EPM2A: variants seen among roughly 807,000 people sequenced by gnomAD.
EPM2A encodes laforin.
In EPM2A, 21 loss-of-function variants were observed where a neutral mutation model predicts 26.5. The observed-to-expected ratio is 0.79, with a 90% CI of 0.56 to 1.14. The LOEUF (loss-of-function observed/expected upper bound fraction) is 1.14, where lower values mean the gene tolerates loss of function less well. EPM2A is among the 50% of genes most tolerant of loss of function. The pLI, the probability that EPM2A is intolerant of heterozygous loss-of-function variation, is 0.00. For synonymous variants in EPM2A, 217 were observed against 177.6 expected, an observed-to-expected ratio of 1.22 and a Z score of -1.76; for missense variants, 458 against 440.8, an observed-to-expected ratio of 1.04 and a Z score of -0.35.
intron 1 of EPM2A, among the ~76,000 whole-genome samples, chr6:145,713,185 C>T (rs146855295): frequency 1.4e-3 from 209 of 152,230 alleles, no homozygotes; most frequent in African/African-American, 4.6e-3. Context: ...AAGCACTGTA[C>T]GAAACTAATG....
At chr6:145,620,724 T>C (rs557128061), downstream of EPM2A, among the ~76,000 whole-genome samples, 2 of 152,348 alleles carry the variant, frequency 1.3e-5, no homozygotes, top group Non-Finnish European at 2.9e-5. Flanking sequence ...TTCTGCTAAT[T>C]TTCTCCTTTA....
chr6:145,502,970 T>C (rs1280802613), intron 2 of EPM2A, among the ~76,000 whole-genome samples: 2 of 152,234 alleles, frequency 1.3e-5, no homozygotes, highest in Admixed American at 1.3e-4. Flanking sequence ...AGATTCCAAA[T>C]GAAAGGACAA....
At chr6:145,462,520 C>T (rs1779339001) in intron 4 of EPM2A, among the ~76,000 whole-genome samples, 1 of 152,130 alleles carries the variant, frequency 6.6e-6, no homozygotes, top group Non-Finnish European at 1.5e-5. Flanking sequence ...AATATTTTGT[C>T]ACATACCTAC....
At chr6:145,496,234 T>G (rs1361828604) in intron 4 of EPM2A, among the ~76,000 whole-genome samples, 1 of 152,174 alleles carries the variant, frequency 6.6e-6, no homozygotes, top group Non-Finnish European at 1.5e-5. Flanking sequence ...GCCCTTACTA[T>G]TGTTTCTTTC....
intron 4 of EPM2A, among the ~76,000 whole-genome samples, chr6:145,397,529 C>G (rs1026901974): frequency 2.6e-5 from 4 of 152,204 alleles, no homozygotes; most frequent in Admixed American, 2.6e-4. Flanking sequence ...TACCCAATTA[C>G]AGGGGGAACT....
intron 2 of EPM2A, among the ~76,000 whole-genome samples, chr6:145,612,927 G>C (rs909139341): frequency 1.3e-5 from 2 of 151,928 alleles, no homozygotes; most frequent in Admixed American, 1.3e-4. Flanking sequence ...GGTAGCTGCT[G>C]AATGTTGGGC....
At chr6:145,712,245 T>G (rs1390834894) in intron 1 of EPM2A, among the ~76,000 whole-genome samples, 1 of 152,060 alleles carries the variant, frequency 6.6e-6, no homozygotes, top group East Asian at 1.9e-4. Context: ...AAATAAAAAT[T>G]CTTCTTGATA....
At chr6:145,488,518 T>TGAGAGAGAGAGAGAGAGAGAGA (rs1434961412) in intron 4 of EPM2A, among the ~76,000 whole-genome samples, 5 of 131,078 alleles carry the variant, frequency 3.8e-5, no homozygotes, top group African/African-American at 1.7e-4. Context: ...TGTGTGTGTG[T>TGAGAGAGAGAGAGAGAGAGAGA]GTGTGAGAGA....
chr6:145,645,761 T>G (rs926220764), intron 2 of EPM2A, among the ~76,000 whole-genome samples: 3 of 152,030 alleles, frequency 2.0e-5, no homozygotes, highest in South Asian at 2.1e-4. Context: ...CCACCACTAA[T>G]TTTTGTATAT....
chr6:145,702,467 C>A (rs1179841869), intron 1 of EPM2A, among the ~76,000 whole-genome samples: 20 of 148,798 alleles, frequency 1.3e-4, no homozygotes, highest in African/African-American at 4.8e-4. Flanking sequence ...TTCTTATTTG[C>A]AAAAAGAAGA....
chr6:145,680,024 G>A (rs1366309986), intron 2 of EPM2A: 1 of 152,034 alleles, frequency 6.6e-6, no homozygotes. Context: ...AAAGTCAATA[G>A]ATAATACCTA....
chr6:145,722,381 A>C (rs1775988294), intron 1 of EPM2A, among the ~76,000 whole-genome samples: 1 of 152,186 alleles, frequency 6.6e-6, no homozygotes, highest in Non-Finnish European at 1.5e-5. Context: ...CTCACCTCCC[A>C]GTTTTGTTGG....
intron 4 of EPM2A, among the ~76,000 whole-genome samples, chr6:145,465,319 A>C (rs1484003899): frequency 6.7e-6 from 1 of 150,108 alleles, no homozygotes; most frequent in Admixed American, 6.6e-5. Flanking sequence ...TTTCAGCTCC[A>C]TCAGCTCCTT....
rs964366945 is a variant in EPM2A, at chr6:145,728,514, C to T, written c.301+6684G>A. ...GCAAAGAGACTGGCAGCATTGTGCTCCTGCTCTAGAGATTTGTGGAAATCT... is the reference window on the plus strand; with the variant it reads ...GCAAAGAGACTGGCAGCATTGTGCTTCTGCTCTAGAGATTTGTGGAAATCT... On this transcript the variant is annotated intron_variant, in intron 1 of 3. Transcript: ENST00000367519. Among the ~76,000 whole-genome samples the T allele has an allele frequency of 5.9e-5, 9 of 152,286 alleles. 1 individual carries two copies. In the South Asian group the frequency reaches 1.9e-3, roughly 32 times the overall value.
At chr6:145,734,285 G>C (rs1211554315) in intron 1 of EPM2A, among the ~76,000 whole-genome samples, 1 of 152,034 alleles carries the variant, frequency 6.6e-6, no homozygotes, top group East Asian at 1.9e-4. Context: ...TGTAGTGACA[G>C]TGAAAGATGT....
rs142658692 is a variant in EPM2A, at chr6:145,635,363, C to A, written c.600G>T (p.Gln200His). The A allele has an allele frequency of 4.3e-6, 7 of 1,614,014 alleles. No homozygotes were observed. The highest frequency in any genetic ancestry group is 1.6e-4 in the Middle Eastern group (1 of 6,084). Residue 200 changes from glutamine (Q) to histidine (H), a missense_variant, in exon 3 of 4, where the codon CAG (glutamine) becomes CAT (histidine). Transcript: ENST00000367519. ...MNFQTEWDIVQNSSGCNRYPE... is the reference protein window; with the variant it reads ...MNFQTEWDIVHNSSGCNRYPE... ...GGTAGCGGTTACAGCCTGAGGAATT[C>A]TGTACAATATCCCATTCAGTCTGGA...
intron 2 of EPM2A, among the ~76,000 whole-genome samples, chr6:145,661,806 A>T (rs1778729646): frequency 6.6e-6 from 1 of 152,128 alleles, no homozygotes; most frequent in Admixed American, 6.5e-5. Context: ...CTCAACTGTA[A>T]ATAACCATTA....
intron 4 of EPM2A, among the ~76,000 whole-genome samples, chr6:145,409,381 A>G (rs532261482): frequency 3.9e-5 from 6 of 152,302 alleles, no homozygotes; most frequent in African/African-American, 1.4e-4. Context: ...TTTTATGTAT[A>G]TGAGGTTCAT....
At chr6:145,385,425 T>G (rs543123909) in intron 4 of EPM2A, among the ~76,000 whole-genome samples, 3 of 152,266 alleles carry the variant, frequency 2.0e-5, no homozygotes, top group South Asian at 4.1e-4. Flanking sequence ...CATTTGTAAA[T>G]GACCAAAGCT....
Sources: gnomAD v4.1 joint callset for allele counts (sites outside exome capture counted in the v4.1 genomes callset) on GRCh38, gnomAD v4.1.1 for gene constraint, MANE v1.5 for transcripts, NCBI Gene and HGNC (gene_info 2026-07-23, HGNC 2026-07-21) for gene names.